MCC: variants seen among roughly 807,000 people sequenced by gnomAD.
The protein encoded by MCC is colorectal mutant cancer protein.
A neutral mutation model predicts 116.2 loss-of-function variants in MCC; 90 were observed. The observed-to-expected ratio is 0.77, with a 90% CI of 0.65 to 0.92. The LOEUF (loss-of-function observed/expected upper bound fraction) is 0.92, where lower values mean the gene tolerates loss of function less well. MCC is among the 40% of genes least tolerant of loss of function. The pLI is 0.00. For synonymous variants in MCC, 578 were observed against 510.5 expected (o/e 1.13, Z -1.78); for missense variants, 1,516 against 1,312.2 (o/e 1.16, Z -2.40).
intron 8 of MCC, among the ~76,000 whole-genome samples, chr5:113,100,464 C>CCTTT (rs747086067): frequency 1.3e-5 from 1 of 78,846 alleles, no homozygotes. Flanking sequence ...GTATTTTTCC[C>CCTTT]TTTTTTTTTT....
intron 1 of MCC, among the ~76,000 whole-genome samples, chr5:113,416,522 A>G (rs77006218): frequency 0.031 from 4,742 of 152,312 alleles, 237 homozygotes; most frequent in African/African-American, 0.11. Flanking sequence ...ATTGTTATGT[A>G]AAAATGCAAG....
chr5:113,463,837 G>A (rs917948373), intron 1 of MCC, among the ~76,000 whole-genome samples: 1 of 152,186 alleles, frequency 6.6e-6, no homozygotes, highest in Non-Finnish European at 1.5e-5. Context: ...GAGAATGTCT[G>A]AGGTTAAAAG....
At chr5:113,282,092 G>T (rs749832572) in intron 3 of MCC, among the ~76,000 whole-genome samples, 1 of 152,082 alleles carries the variant, frequency 6.6e-6, no homozygotes, top group African/African-American at 2.4e-5. Context: ...AACCTTCCCC[G>T]CATCACCTAG....
chr5:113,041,980 G>A (rs1253568165), intron 17 of MCC, among the ~76,000 whole-genome samples: 1 of 152,070 alleles, frequency 6.6e-6, no homozygotes, highest in Non-Finnish European at 1.5e-5. Flanking sequence ...CTGGGCGACA[G>A]AGCGAGACTC....
intron 3 of MCC, among the ~76,000 whole-genome samples, chr5:113,281,406 G>A (rs898468647): frequency 8.5e-5 from 13 of 152,172 alleles, no homozygotes; most frequent in African/African-American, 2.7e-4. Context: ...AGGAAAGAAT[G>A]GTCATGCACC....
chr5:113,051,987 G>A (rs1006190614), intron 15 of MCC, among the ~76,000 whole-genome samples: 1 of 152,054 alleles, frequency 6.6e-6, no homozygotes, highest in Admixed American at 6.5e-5. Context: ...AAAGTCATAG[G>A]GAACCAAGCC....
intron 3 of MCC, among the ~76,000 whole-genome samples, chr5:113,287,446 C>CCT (rs1473920395): frequency 6.6e-6 from 1 of 152,122 alleles, no homozygotes; most frequent in Non-Finnish European, 1.5e-5. Flanking sequence ...CTCTGCTCAG[C>CCT]CTCCCGAGTA....
intron 3 of MCC, among the ~76,000 whole-genome samples, chr5:113,172,993 G>A (rs1761151243): frequency 6.6e-6 from 1 of 151,948 alleles, no homozygotes; most frequent in Admixed American, 6.6e-5. Context: ...GCCTGTTTAT[G>A]TTCTTTGCCT....
intron 6 of MCC, among the ~76,000 whole-genome samples, chr5:113,105,764 C>T (rs1002438943): frequency 5.9e-5 from 9 of 152,206 alleles, no homozygotes; most frequent in East Asian, 3.8e-4. Context: ...ACTCTCCACG[C>T]GGTCACCAAA....
At chr5:113,451,228 T>C (rs530262085) in intron 1 of MCC, among the ~76,000 whole-genome samples, 5 of 152,292 alleles carry the variant, frequency 3.3e-5, no homozygotes, top group Admixed American at 3.3e-4. Context: ...CCCACTACAC[T>C]AGAAAGCTTT....
intron 3 of MCC, among the ~76,000 whole-genome samples, chr5:113,170,202 C>G (rs1196094817): frequency 6.6e-6 from 1 of 152,126 alleles, no homozygotes; most frequent in Non-Finnish European, 1.5e-5. Flanking sequence ...TTTCTTTTTT[C>G]TTCTTTACAG....
intron 15 of MCC, among the ~76,000 whole-genome samples, chr5:113,052,910 C>T (rs1374642645): frequency 2.0e-5 from 3 of 152,192 alleles, no homozygotes; most frequent in African/African-American, 7.2e-5. Flanking sequence ...ATCACAAAGA[C>T]ACCCCTAGCT....
intron 1 of MCC, among the ~76,000 whole-genome samples, chr5:113,431,368 TTC>T (rs1380922672): frequency 6.6e-6 from 1 of 152,070 alleles, no homozygotes; most frequent in Non-Finnish European, 1.5e-5. Context: ...GGCAGGGCCT[TTC>T]TCTCTCTGAG....
At chr5:113,191,034 C>G (rs1329076758) in intron 3 of MCC, among the ~76,000 whole-genome samples, 1 of 152,198 alleles carries the variant, frequency 6.6e-6, no homozygotes, top group Non-Finnish European at 1.5e-5. Context: ...AGGGCCCATC[C>G]TCTCTGGATT....
intron 3 of MCC, among the ~76,000 whole-genome samples, chr5:113,201,508 C>T (rs754887608): frequency 1.8e-4 from 28 of 152,002 alleles, no homozygotes; most frequent in Admixed American, 3.9e-4. Flanking sequence ...TTCTTGGTGA[C>T]TTTAAAAACC....
chr5:113,047,836 A>G (rs1179728510), intron 16 of MCC, among the ~76,000 whole-genome samples: 2 of 48,370 alleles, frequency 4.1e-5, no homozygotes, highest in Non-Finnish European at 1.1e-4. Context: ...TGGATTCCAG[A>G]AAAAAAAAAA....
At chr5:113,252,781 G>GACTC (rs3068951) in intron 3 of MCC, among the ~76,000 whole-genome samples, 16,327 of 152,024 alleles carry the variant, frequency 0.11, 1,367 homozygotes, top group Admixed American at 0.25. Context: ...GGCACCCCCA[G>GACTC]ACTCCAGTTT....
intron 5 of MCC, 92 bp downstream of exon 5, chr5:113,143,126 G>A (rs757048837): frequency 9.1e-5 from 123 of 1,351,488 alleles, no homozygotes; most frequent in Non-Finnish European, 1.1e-4. Flanking sequence ...CTAGAACTTC[G>A]GTCTTGGAGT....
intron 2 of MCC, among the ~76,000 whole-genome samples, chr5:113,375,883 C>G (rs1190750341): frequency 6.6e-6 from 1 of 152,124 alleles, no homozygotes; most frequent in Non-Finnish European, 1.5e-5. Flanking sequence ...AAAAATACTC[C>G]ACCTCTTGAT....
Sources: allele counts gnomAD v4.1 joint callset (sites outside exome capture counted in the v4.1 genomes callset), GRCh38; gene constraint gnomAD v4.1.1; transcripts MANE v1.5; gene names NCBI Gene and HGNC (gene_info 2026-07-23, HGNC 2026-07-21).